The following PDE4B variants were observed in gnomAD, a reference collection of about 807,000 sequenced individuals.
PDE4B encodes phosphodiesterase 4B, also known as 3',5'-cyclic-AMP phosphodiesterase 4B.
Under a neutral mutation model 82.2 loss-of-function variants are expected in PDE4B, and 20 were observed. The ratio of observed to expected loss-of-function variants is 0.24; its 90% confidence interval spans 0.17 to 0.35. PDE4B has a LOEUF of 0.35. PDE4B is among the 10% of genes least tolerant of loss of function. PDE4B has a pLI of 1.00. For synonymous variants in PDE4B, 320 were observed against 318.9 expected (o/e 1.00, Z -0.04); for missense variants, 655 against 907.2 (o/e 0.72, Z 3.57).
chr1:65,881,118 A>G (rs984000838), intron 1 of PDE4B, among the ~76,000 whole-genome samples: 2 of 152,120 alleles, frequency 1.3e-5, no homozygotes, highest in African/African-American at 2.4e-5. Context: ...CTGTACCTCT[A>G]TAAAATGTCC....
At chr1:65,810,962 T>G (rs968918388) in intron 1 of PDE4B, among the ~76,000 whole-genome samples, 1 of 152,174 alleles carries the variant, frequency 6.6e-6, no homozygotes, top group Non-Finnish European at 1.5e-5. Flanking sequence ...GCCAGATGAT[T>G]CCCTGTTTGG....
At chr1:65,975,098 G>A (rs534493552) in intron 3 of PDE4B, among the ~76,000 whole-genome samples, 1 of 152,314 alleles carries the variant, frequency 6.6e-6, no homozygotes, top group South Asian at 2.1e-4. Context: ...CTTGTTGAAT[G>A]GTTTTGACCA....
chr1:65,849,241 C>G (rs935222162), intron 1 of PDE4B, among the ~76,000 whole-genome samples: 1 of 152,132 alleles, frequency 6.6e-6, no homozygotes, highest in Non-Finnish European at 1.5e-5. Context: ...TACTTCAGAA[C>G]TCACTGGAGA....
chr1:66,367,515 TGC>T, intron 13 of PDE4B, 179 bp from the exon 14 acceptor site: 3 of 526,560 alleles, frequency 5.7e-6, no homozygotes, highest in East Asian at 3.0e-5. Context: ...AAGCATTTTT[TGC>T]TTAGAAACTG....
intron 7 of PDE4B, among the ~76,000 whole-genome samples, chr1:66,308,949 A>G (rs1040858845): frequency 2.6e-5 from 4 of 152,192 alleles, no homozygotes; most frequent in African/African-American, 9.6e-5. Flanking sequence ...CAGCCTTGTA[A>G]TTAGAAAAAA....
At chr1:66,368,629 C>T (rs957758850) in intron 15 of PDE4B, among the ~76,000 whole-genome samples, 158 bp from the exon 16 acceptor site, 12 of 152,170 alleles carry the variant, frequency 7.9e-5, no homozygotes, top group African/African-American at 2.7e-4. Flanking sequence ...AGGCTAGCAT[C>T]ATTGTAATTC....
At chr1:66,349,244 T>C (rs1203154214) in intron 8 of PDE4B, among the ~76,000 whole-genome samples, 1 of 152,226 alleles carries the variant, frequency 6.6e-6, no homozygotes, top group African/African-American at 2.4e-5. Context: ...AGCAGAGACT[T>C]GTCCTCTAAC....
intron 3 of PDE4B, among the ~76,000 whole-genome samples, chr1:66,009,093 C>A (rs72918207): frequency 2.6e-5 from 4 of 152,174 alleles, no homozygotes; most frequent in African/African-American, 9.7e-5. Context: ...CTTTCTCCCC[C>A]CTACACCATG....
chr1:66,242,134 G>T (rs1017064342), intron 3 of PDE4B, among the ~76,000 whole-genome samples: 1 of 152,158 alleles, frequency 6.6e-6, no homozygotes, highest in Non-Finnish European at 1.5e-5. Context: ...AGTCTAAGGG[G>T]ACATCTGAGG....
At chr1:66,187,355 A>C (rs9660408) in intron 3 of PDE4B, among the ~76,000 whole-genome samples, 26 of 151,634 alleles carry the variant, frequency 1.7e-4, no homozygotes, top group African/African-American at 6.1e-4. Flanking sequence ...CATAAAATGC[A>C]TTAGGGAGGA....
intron 3 of PDE4B, among the ~76,000 whole-genome samples, chr1:66,188,383 G>T (rs1445084841): frequency 3.3e-5 from 5 of 151,382 alleles, no homozygotes; most frequent in African/African-American, 1.2e-4. Context: ...CAATTCCTGG[G>T]TATCCTTGTT....
chr1:65,999,938 G>A (rs1212722568), intron 3 of PDE4B, among the ~76,000 whole-genome samples: 1 of 152,124 alleles, frequency 6.6e-6, no homozygotes, highest in Non-Finnish European at 1.5e-5. Context: ...TCTCTCAATA[G>A]CTGTGCTCTC....
intron 3 of PDE4B, among the ~76,000 whole-genome samples, chr1:66,164,290 G>T (rs1646675201): frequency 1.3e-5 from 2 of 151,990 alleles, no homozygotes. Flanking sequence ...GTAATCCAGT[G>T]CTTTGGGAGG....
At chr1:66,125,968 GGTTAA>G (rs1436527508) in intron 3 of PDE4B, among the ~76,000 whole-genome samples, 1 of 152,124 alleles carries the variant, frequency 6.6e-6, no homozygotes, top group Non-Finnish European at 1.5e-5. Context: ...CACCACACTA[GGTTAA>G]TTTTGTATTT....
In PDE4B at chr1:66,363,229, A is replaced by AT; in HGVS notation, c.1083dup (p.Arg362Ter). On this transcript the variant is annotated frameshift_variant, in exon 11 of 17. Coordinates refer to ENST00000341517, the MANE Select transcript of PDE4B (RefSeq NM_002600.4). LOFTEE classifies it high-confidence loss of function. Reference sequence around the variant, plus strand: ...TTTAATGTGGCTGGATATTCTCACAATAGACCCCTAACATGCATCATGTAT... The same window carrying AT: ...TTTAATGTGGCTGGATATTCTCACAATTAGACCCCTAACATGCATCATGTAT... The AT allele has an allele frequency of 6.2e-7, 1 of 1,612,962 alleles. No individual in the cohort carries two copies.
rs562788519 is a variant in PDE4B at position 65,891,575 on chromosome 1, G to A, written c.-70-21670G>A. Among the ~76,000 whole-genome samples the A allele has an allele frequency of 3.5e-4, 53 of 151,998 alleles. No homozygotes were observed. The South Asian group carries it at 4.8e-3, about 14-fold the overall frequency. On this transcript the variant is annotated intron_variant, in intron 1 of 16. Transcript: ENST00000341517. ...TCAAGCTCATTGTTACAAAACATGC[G>A]CTTCTTATTTTAATTACAGAAGTCT...
chr1:65,981,108 A>G (rs781146736), intron 3 of PDE4B, among the ~76,000 whole-genome samples: 23 of 152,148 alleles, frequency 1.5e-4, no homozygotes, highest in Non-Finnish European at 1.8e-4. Context: ...TGTGTCCGTT[A>G]GAAGGTAAAA....
intron 7 of PDE4B, among the ~76,000 whole-genome samples, chr1:66,314,964 G>C (rs1570676948): frequency 6.6e-6 from 1 of 152,166 alleles, no homozygotes; most frequent in East Asian, 1.9e-4. Flanking sequence ...TTCACTTTGT[G>C]TCTATGCACT....
At chr1:66,094,881 AG>A (rs1645086266) in intron 3 of PDE4B, among the ~76,000 whole-genome samples, 1 of 151,924 alleles carries the variant, frequency 6.6e-6, no homozygotes, top group African/African-American at 2.4e-5. Context: ...TGAGGAATAT[AG>A]GGGTTAAGTA....
Sources: gnomAD v4.1 joint callset for allele counts (sites outside exome capture counted in the v4.1 genomes callset) on GRCh38, gnomAD v4.1.1 for gene constraint, MANE v1.5 for transcripts, NCBI Gene and HGNC (gene_info 2026-07-23, HGNC 2026-07-21) for gene names.